The following SOX5 variants were observed in gnomAD, a reference collection of about 807,000 sequenced individuals.
SOX5 encodes SRY-box transcription factor 5.
Under a neutral mutation model 92.0 loss-of-function variants are expected in SOX5, and 9 were observed. That is an observed-to-expected ratio of 0.10 (90% CI 0.06 to 0.17). The LOEUF is 0.17. Among genes scored for constraint, SOX5 ranks in the 10% least tolerant of loss-of-function variants. The probability of loss-of-function intolerance (pLI) is 1.00; values close to 1 mark genes in which losing one functional copy is unlikely to be tolerated. For missense variants in SOX5, 642 were observed against 944.5 expected (o/e 0.68, Z 4.20); for synonymous variants, 344 against 336.3 (o/e 1.02, Z -0.25).
chr12:24,378,418 A>T (rs556050615), intron 1 of SOX5, among the ~76,000 whole-genome samples: 2 of 152,332 alleles, frequency 1.3e-5, no homozygotes, highest in East Asian at 3.9e-4. Context: ...TGCAATTCAA[A>T]CAGTCTTTAA....
intron 4 of SOX5, among the ~76,000 whole-genome samples, chr12:23,744,736 C>T (rs1374569422): frequency 3.3e-5 from 5 of 152,108 alleles, no homozygotes; most frequent in African/African-American, 4.8e-5. Context: ...TCCTTGATAA[C>T]ACAGATTTAA....
chr12:24,012,960 T>C (rs1953129186), intron 4 of SOX5, among the ~76,000 whole-genome samples: 1 of 152,192 alleles, frequency 6.6e-6, no homozygotes, highest in Admixed American at 6.5e-5. Context: ...GCTATTGCCA[T>C]CTCATTTGGT....
intron 1 of SOX5, among the ~76,000 whole-genome samples, chr12:24,449,846 T>G (rs531999231): frequency 2.2e-4 from 33 of 152,200 alleles, no homozygotes; most frequent in Non-Finnish European, 4.0e-4. Flanking sequence ...TTGACTCTTG[T>G]GCCCCTCAGT....
At chr12:24,544,453 TG>T (rs1661514542) in intron 1 of SOX5, among the ~76,000 whole-genome samples, 1 of 152,222 alleles carries the variant, frequency 6.6e-6, no homozygotes, top group Non-Finnish European at 1.5e-5. Context: ...AAAAGCATTC[TG>T]GGATATAAGG....
Position 23,970,841 on chromosome 12 carries a change from A to ATATATATATATATATATATATATATATTT in SOX5, c.-1-74818_-1-74817insAAATATATATATATATATATATATATATA. On this transcript the variant is annotated intron_variant, in intron 4 of 4. Transcript: ENST00000446891. ...ACATGGGACTTTATATATATATATA[A>ATATATATATATATATATATATATATATTT]TTTTTTTTTTTTTTTAAGAAATGGG... Among the ~76,000 whole-genome samples, 57 of 21,864 alleles carry ATATATATATATATATATATATATATATTT rather than the reference A, an allele frequency of 2.6e-3. 10 individuals are homozygous for ATATATATATATATATATATATATATATTT. Among genetic ancestry groups the ATATATATATATATATATATATATATATTT allele is most frequent in the African/African-American group, 6.7e-3 (54 of 8,024 alleles). The allele number at this position is 21,864 out of a possible 152,430, so 14.3% of individuals were successfully genotyped here. A position where few individuals can be genotyped will look rare whatever the true frequency, so the allele number is the denominator to read the frequency against.
chr12:23,547,878 C>T (rs6487349), intron 11 of SOX5, among the ~76,000 whole-genome samples: 147,266 of 152,186 alleles, frequency 0.97, 71,432 homozygotes, highest in East Asian at 1. Flanking sequence ...TCAGCTGCTT[C>T]ATATGTTTTG....
intron 1 of SOX5, among the ~76,000 whole-genome samples, chr12:24,440,594 TTGTG>T (rs56082162): frequency 0.085 from 11,812 of 139,528 alleles, 519 homozygotes; most frequent in African/African-American, 0.12. Context: ...ACATGATCCT[TTGTG>T]TGTGTGTGTG....
chr12:23,556,807 A>C (rs1945256963), intron 11 of SOX5, among the ~76,000 whole-genome samples: 1 of 152,210 alleles, frequency 6.6e-6, no homozygotes, highest in South Asian at 2.1e-4. Context: ...AATTCCTCAC[A>C]GCCCTTCTCC....
chr12:24,086,688 C>A (rs1307379533), intron 4 of SOX5, among the ~76,000 whole-genome samples: 2 of 151,950 alleles, frequency 1.3e-5, no homozygotes, highest in South Asian at 4.1e-4. Context: ...TATATTCTTT[C>A]TATGGAGTTT....
intron 1 of SOX5, among the ~76,000 whole-genome samples, chr12:24,385,982 T>TAAAAAAAAA (rs1958372771): frequency 6.7e-6 from 1 of 148,606 alleles, no homozygotes; most frequent in African/African-American, 2.5e-5. Flanking sequence ...AAAATAAATT[T>TAAAAAAAAA]AAAAGATCAA....
chr12:24,496,590 A>G (rs1947662670), intron 1 of SOX5, among the ~76,000 whole-genome samples: 1 of 152,168 alleles, frequency 6.6e-6, no homozygotes, highest in African/African-American at 2.4e-5. Context: ...ACTATACAAA[A>G]AAGCCTAGAG....
intron 6 of SOX5, among the ~76,000 whole-genome samples, chr12:23,705,899 T>C (rs2091324075): frequency 6.6e-6 from 1 of 152,112 alleles, no homozygotes; most frequent in Non-Finnish European, 1.5e-5. Flanking sequence ...CACTGCTACT[T>C]TTCTCTTGCT....
chr12:23,692,707 T>A (rs1003316239), intron 6 of SOX5, among the ~76,000 whole-genome samples: 1 of 152,218 alleles, frequency 6.6e-6, no homozygotes, highest in African/African-American at 2.4e-5. Flanking sequence ...GTATTTTTAA[T>A]AACCTTCTAC....
At chr12:23,964,399 T>C (rs1051169978) in intron 4 of SOX5, among the ~76,000 whole-genome samples, 2 of 152,034 alleles carry the variant, frequency 1.3e-5, no homozygotes, top group Non-Finnish European at 2.9e-5. Context: ...TTGCAACCAT[T>C]CCTGGGACAA....
At chr12:24,127,081 G>A (rs1949175753) in intron 4 of SOX5, among the ~76,000 whole-genome samples, 1 of 151,804 alleles carries the variant, frequency 6.6e-6, no homozygotes, top group Non-Finnish European at 1.5e-5. Flanking sequence ...TCCAAATGAA[G>A]ACCAGATATA....
chr12:23,693,466 TATAA>T (rs1567021360), intron 6 of SOX5, among the ~76,000 whole-genome samples: 2 of 152,086 alleles, frequency 1.3e-5, no homozygotes, highest in Non-Finnish European at 2.9e-5. Flanking sequence ...TGTTTCAAGC[TATAA>T]ATAGTTACAT....
intron 2 of SOX5, among the ~76,000 whole-genome samples, chr12:23,886,411 C>T (rs527252440): frequency 1.3e-5 from 2 of 152,144 alleles, no homozygotes; most frequent in African/African-American, 4.8e-5. Flanking sequence ...ACTGATGTGG[C>T]CAAGAAGAAA....
intron 2 of SOX5, among the ~76,000 whole-genome samples, chr12:24,367,473 C>G (rs978863795): frequency 3.9e-5 from 6 of 152,218 alleles, no homozygotes; most frequent in Admixed American, 3.3e-4. Flanking sequence ...ACATGGGCAT[C>G]AGCATGGGAA....
chr12:23,691,211 G>A (rs1401749609), intron 6 of SOX5, among the ~76,000 whole-genome samples: 1 of 152,182 alleles, frequency 6.6e-6, no homozygotes, highest in Non-Finnish European at 1.5e-5. Flanking sequence ...GAGAATATGG[G>A]TGTGAAACAA....
Sources: allele counts gnomAD v4.1 joint callset (sites outside exome capture counted in the v4.1 genomes callset), GRCh38; gene constraint gnomAD v4.1.1; transcripts MANE v1.5; gene names NCBI Gene and HGNC (gene_info 2026-07-23, HGNC 2026-07-21).